The following DGKD variants were observed in gnomAD, a reference collection of about 807,000 sequenced individuals.
The protein encoded by DGKD is diacylglycerol kinase delta.
DGKD carries 68 observed loss-of-function variants against 154.4 expected under a neutral mutation model. That is an observed-to-expected ratio of 0.44 (90% CI 0.36 to 0.54). DGKD has a LOEUF of 0.54. Among genes scored for constraint, DGKD ranks in the 20% least tolerant of loss-of-function variants. DGKD has a pLI of 0.00. For synonymous variants in DGKD, 693 were observed against 638.0 expected, an observed-to-expected ratio of 1.09 and a Z score of -1.30; for missense variants, 1,343 against 1,593.6, an observed-to-expected ratio of 0.84 and a Z score of 2.68.
intron 26 of DGKD, 167 bp from the exon 27 acceptor site, chr2:233,463,997 G>A: frequency 3.5e-6 from 3 of 853,932 alleles, no homozygotes; most frequent in Non-Finnish European, 5.3e-6. Context: ...AGAAAGTGAG[G>A]TTCTGGGTTT....
At chr2:233,407,941 C>T (rs958015380) in intron 3 of DGKD, among the ~76,000 whole-genome samples, 5 of 152,068 alleles carry the variant, frequency 3.3e-5, no homozygotes, top group Admixed American at 1.3e-4. Flanking sequence ...GATCTTTATC[C>T]AGATTTCATC....
chr2:233,375,093 C>G (rs1359768828), intron 1 of DGKD, among the ~76,000 whole-genome samples: 1 of 152,134 alleles, frequency 6.6e-6, no homozygotes, highest in Non-Finnish European at 1.5e-5. Context: ...AGTTCGAGAC[C>G]AGCCTGGCCA....
In DGKD at chr2:233,438,956, G is replaced by A. The variant is rs920161178; in HGVS notation, c.1085+577G>A. Among the ~76,000 whole-genome samples the A allele has an allele frequency of 6.6e-6, 1 of 152,240 alleles. No individual in the cohort carries two copies. The highest frequency in any genetic ancestry group is 2.4e-5 in the African/African-American group (1 of 41,454). On this transcript the variant is annotated intron_variant, in intron 9 of 29. Coordinates refer to ENST00000264057, the MANE Select transcript of DGKD (RefSeq NM_152879.3). This position sits in a 1 kb window ranked among gnomAD's most constrained non-coding sequence, Gnocchi z 4.1. ...TCGGTGTGCAGGTGCTGCAAGGCAG[G>A]AACACGTAAGGGCGGCGTTGGGCCA... is the stretch of plus-strand genomic sequence containing the variant.
At chr2:233,369,240 G>T (rs909257316) in intron 1 of DGKD, among the ~76,000 whole-genome samples, 1 of 152,144 alleles carries the variant, frequency 6.6e-6, no homozygotes, top group Non-Finnish European at 1.5e-5. Context: ...GTATCCATCA[G>T]CATTCTGGGG....
At chr2:233,432,542 C>T (rs1405021629) in intron 3 of DGKD, among the ~76,000 whole-genome samples, 1 of 152,164 alleles carries the variant, frequency 6.6e-6, no homozygotes, top group African/African-American at 2.4e-5. Context: ...GCCTGTAGTC[C>T]CAGCTACTCG....
At chr2:233,359,535 A>G (rs1188854436) in intron 1 of DGKD, among the ~76,000 whole-genome samples, 1 of 143,478 alleles carries the variant, frequency 7.0e-6, no homozygotes, top group Non-Finnish European at 1.5e-5. Flanking sequence ...CATTTCCCTG[A>G]TTCCATTTTT....
intron 3 of DGKD, among the ~76,000 whole-genome samples, chr2:233,396,406 A>AT (rs1043002580): frequency 7.9e-5 from 12 of 151,808 alleles, no homozygotes; most frequent in African/African-American, 1.2e-4. Context: ...TTTGGCAAGC[A>AT]TTTTTTTTGG....
intron 3 of DGKD, among the ~76,000 whole-genome samples, chr2:233,422,903 G>A (rs904166228): frequency 6.6e-6 from 1 of 152,130 alleles, no homozygotes; most frequent in African/African-American, 2.4e-5. Context: ...TTTTCCTTGT[G>A]CCCTTTTACA....
rs2062845654 is a variant in DGKD, at chr2:233,440,385, A to G, written c.1086-1502A>G. 6.6e-6 allele frequency among the ~76,000 whole-genome samples: 1 copy of G among 152,188 alleles called. No homozygotes were observed. Among genetic ancestry groups the G allele is most frequent in the African/African-American group, 2.4e-5 (1 of 41,456 alleles). On this transcript the variant is annotated intron_variant, in intron 9 of 29. Coordinates refer to ENST00000264057, the MANE Select transcript of DGKD (RefSeq NM_152879.3). This position sits in a 1 kb window ranked among gnomAD's most constrained non-coding sequence, Gnocchi z 4.9. ...CTGGGTCAGACACTGAGCTCGAGGCAGGGTGCGCAGGTGAGCCAGGCGGGG... is the reference window on the plus strand; with the variant it reads ...CTGGGTCAGACACTGAGCTCGAGGCGGGGTGCGCAGGTGAGCCAGGCGGGG...
In DGKD at chr2:233,434,530, C is replaced by G. The variant is rs780030279; in HGVS notation, c.453+46C>G. 5.1e-6 allele frequency: 8 copies of G among 1,563,820 alleles called. No homozygotes were observed. The South Asian group carries it at 7.8e-5, about 15-fold the overall frequency. On this transcript the variant is annotated intron_variant, in intron 4 of 29. Coordinates refer to ENST00000264057, the MANE Select transcript of DGKD (RefSeq NM_152879.3). ...TCTCCAAATGCCTCCTGTTGCCTCC[C>G]TCACCCCAGTGTCTGCTGTCTGAGT... is the stretch of plus-strand genomic sequence containing the variant.
intron 3 of DGKD, among the ~76,000 whole-genome samples, chr2:233,406,748 A>C (rs78447894): frequency 0.033 from 4,967 of 152,260 alleles, 119 homozygotes; most frequent in Non-Finnish European, 0.056. Flanking sequence ...ATGGCACAGA[A>C]CAGACGAGGA....
In DGKD at chr2:233,458,356, G is replaced by A. The variant is rs1392217381; in HGVS notation, c.2653G>A (p.Val885Ile). The A allele has an allele frequency of 5.0e-6, 8 of 1,611,624 alleles. No homozygotes were observed. The highest frequency in any genetic ancestry group is 4.5e-5 in the East Asian group (2 of 44,894). The change falls in exon 22 of 30, where the codon GTC (valine) becomes ATC (isoleucine). Residue 885 changes from valine to isoleucine, a missense_variant. Physicochemically the swap from Val to Ile is conservative, Grantham distance 29. This residue lies in a region of DGKD where 429 missense variants were observed against 496.3 expected (regional missense o/e 0.86). Transcript: ENST00000264057. The surrounding 1 kb of genome is among the most constrained non-coding windows in gnomAD (Gnocchi z 6.6). ...CGTGTTCGGCAGCATGCAGATGGCC[G>A]TCTCTCGAGTCATCAGGCTACAGCA... The part of the protein sequence containing the change: ...VAVFGSMQMA[V>I]SRVIRLQHHR...
At chr2:233,404,013 GT>G (rs2061621310) in intron 3 of DGKD, among the ~76,000 whole-genome samples, 3 of 148,576 alleles carry the variant, frequency 2.0e-5, no homozygotes, top group South Asian at 4.2e-4. Context: ...TGTGTTTTGT[GT>G]TACAAAGTTA....
At chr2:233,428,205 G>T (rs1346195802) in intron 3 of DGKD, among the ~76,000 whole-genome samples, 1 of 152,132 alleles carries the variant, frequency 6.6e-6, no homozygotes, top group East Asian at 1.9e-4. Context: ...CGCCAGGAGG[G>T]GTGTGCTGAG....
Position 233,456,922 on chromosome 2 carries a change from G to A in DGKD, c.2399G>A (p.Trp800Ter). Residue 800 changes from tryptophan (W) to a stop codon, truncating the protein, a stop_gained, in exon 20 of 30, where the codon TGG (tryptophan) becomes TAG (stop). Transcript: ENST00000264057. LOFTEE classifies it high-confidence loss of function. ...KCRSRTKNMM[W>*]YGVLGTKELL... is the part of the protein sequence containing the mutation. ...AGGAGCCGAACCAAGAACATGATGT[G>A]GTATGGAGTTCTTGGAACCAAAGAG... is the stretch of plus-strand genomic sequence containing the variant. 1 of 1,614,088 alleles carries A rather than the reference G, an allele frequency of 6.2e-7. No individual in the cohort carries two copies. The highest frequency in any genetic ancestry group is 1.1e-5 in the South Asian group (1 of 91,076).
At chr2:233,380,676 G>GTA (rs1702847476) in intron 1 of DGKD, among the ~76,000 whole-genome samples, 1 of 151,868 alleles carries the variant, frequency 6.6e-6, no homozygotes, top group Non-Finnish European at 1.5e-5. Flanking sequence ...GTGTGTGTGT[G>GTA]TGTGGGGGGG....
At chr2:233,435,952 C>A (rs2062678347) in intron 6 of DGKD, 28 bp downstream of exon 6, 2 of 1,574,516 alleles carry the variant, frequency 1.3e-6, no homozygotes, top group Non-Finnish European at 1.7e-6. Context: ...ACCTGTGGGG[C>A]CCTGAGCCAG....
At chr2:233,363,342 T>TA (rs889007431) in intron 1 of DGKD, among the ~76,000 whole-genome samples, 1 of 152,026 alleles carries the variant, frequency 6.6e-6, no homozygotes, top group Non-Finnish European at 1.5e-5. Flanking sequence ...GTAAAATAAT[T>TA]AAAAAAATTA....
chr2:233,358,883 A>G (rs895616818), intron 1 of DGKD, among the ~76,000 whole-genome samples: 1 of 152,148 alleles, frequency 6.6e-6, no homozygotes, highest in Non-Finnish European at 1.5e-5. Context: ...TTTTGTGTGG[A>G]CATAGGTTTT....
Sources: allele counts gnomAD v4.1 joint callset (sites outside exome capture counted in the v4.1 genomes callset), GRCh38; gene constraint gnomAD v4.1.1; regional missense constraint gnomAD v4.1.1; non-coding constraint Gnocchi (gnomAD v3.1); transcripts MANE v1.5; gene names NCBI Gene and HGNC (gene_info 2026-07-23, HGNC 2026-07-21).